Variants in PLA2G4A observed in about 807,000 individuals in gnomAD.
PLA2G4A encodes phospholipase A2 group IVA, also known as cytosolic phospholipase A2.
A neutral mutation model predicts 81.9 loss-of-function variants in PLA2G4A; 40 were observed. The observed-to-expected ratio is 0.49, with a 90% CI of 0.38 to 0.64. The LOEUF is 0.64. Among genes scored for constraint, PLA2G4A ranks in the 30% least tolerant of loss-of-function variants. The probability of loss-of-function intolerance (pLI) is 0.00; values close to 1 mark genes in which losing one functional copy is unlikely to be tolerated. For synonymous variants in PLA2G4A, 302 were observed against 296.9 expected (o/e 1.02, Z -0.18); for missense variants, 715 against 905.1 (o/e 0.79, Z 2.69).
chr1:186,865,105 T>TAA (rs1291209770), intron 2 of PLA2G4A, among the ~76,000 whole-genome samples: 102 of 148,304 alleles, frequency 6.9e-4, no homozygotes, highest in Admixed American at 1.1e-3. Context: ...TATATATATA[T>TAA]AAAATATAAT....
chr1:186,870,344 T>A, intron 2 of PLA2G4A, 91 bp from the exon 3 acceptor site: 1 of 791,708 alleles, frequency 1.3e-6, no homozygotes, highest in Non-Finnish European at 2.2e-6. Flanking sequence ...TGCTACTTGT[T>A]TTTAAGTAGA....
chr1:186,869,223 G>A (rs1407416039), intron 2 of PLA2G4A, among the ~76,000 whole-genome samples: 1 of 151,950 alleles, frequency 6.6e-6, no homozygotes, highest in Non-Finnish European at 1.5e-5. Context: ...TTGACAAGGT[G>A]TACTGTCAAT....
intron 14 of PLA2G4A, among the ~76,000 whole-genome samples, chr1:186,958,525 A>G (rs1656835122): frequency 6.6e-6 from 1 of 152,216 alleles, no homozygotes; most frequent in African/African-American, 2.4e-5. Context: ...TTTACTCTAT[A>G]GAAAGCGAAG....
At chr1:186,900,689 G>A (rs946105349) in intron 5 of PLA2G4A, among the ~76,000 whole-genome samples, 3 of 152,118 alleles carry the variant, frequency 2.0e-5, no homozygotes, top group Non-Finnish European at 2.9e-5. Context: ...AAAGTAGCCC[G>A]CTTCAAAAGA....
intron 7 of PLA2G4A, among the ~76,000 whole-genome samples, chr1:186,918,583 T>C (rs1231955260): frequency 3.3e-5 from 5 of 152,124 alleles, no homozygotes; most frequent in Non-Finnish European, 5.9e-5. Flanking sequence ...TCCTTGTGAG[T>C]TGATGAAGCT....
chr1:186,974,839 C>CCATGCTATAATCCATGCTATAAT (rs1657477159), intron 15 of PLA2G4A, among the ~76,000 whole-genome samples: 1 of 152,142 alleles, frequency 6.6e-6, no homozygotes, highest in Admixed American at 6.5e-5. Flanking sequence ...AATGGTTTAT[C>CCATGCTATAATCCATGCTATAAT]CATGCTATAA....
Position 186,861,312 on chromosome 1 carries a change from G to C in PLA2G4A, c.33+6925G>C, listed in dbSNP as rs115715334. 1.9e-3 allele frequency among the ~76,000 whole-genome samples: 292 copies of C among 152,262 alleles called. 2 individuals carry two copies. The highest frequency in any genetic ancestry group is 6.8e-3 in the African/African-American group (284 of 41,542). On this transcript the variant is annotated intron_variant, in intron 2 of 17. Coordinates refer to ENST00000367466, the MANE Select transcript of PLA2G4A (RefSeq NM_024420.3). ...GCGACCTTATCCTTAGAACGCCGAG[G>C]AATCTCTCAAGGCTGTGCAGTCTCT... is the stretch of plus-strand genomic sequence containing the variant.
intron 7 of PLA2G4A, among the ~76,000 whole-genome samples, chr1:186,931,420 G>T (rs1462749421): frequency 1.3e-5 from 2 of 151,938 alleles, no homozygotes; most frequent in Non-Finnish European, 2.9e-5. Flanking sequence ...TCTGGGTTAG[G>T]AATTTAGTCC....
At chr1:186,909,644 GA>G (rs1335739918) in intron 6 of PLA2G4A, among the ~76,000 whole-genome samples, 2 of 120,106 alleles carry the variant, frequency 1.7e-5, no homozygotes, top group East Asian at 4.9e-4. Context: ...TGGGCAACAG[GA>G]GCGAAACTCC....
intron 17 of PLA2G4A, among the ~76,000 whole-genome samples, chr1:186,982,955 G>T (rs1657773670): frequency 6.6e-6 from 1 of 151,858 alleles, no homozygotes; most frequent in Non-Finnish European, 1.5e-5. Flanking sequence ...GTGGTGGCAG[G>T]TGCCTGTAGT....
intron 15 of PLA2G4A, among the ~76,000 whole-genome samples, chr1:186,973,169 G>T (rs1024664082): frequency 4.6e-5 from 7 of 152,304 alleles, no homozygotes; most frequent in Non-Finnish European, 1.0e-4. Context: ...TTCTCTCACA[G>T]TTTCGGAGGG....
intron 7 of PLA2G4A, among the ~76,000 whole-genome samples, chr1:186,922,040 A>G (rs1655371668): frequency 6.6e-6 from 1 of 152,120 alleles, no homozygotes; most frequent in Non-Finnish European, 1.5e-5. Context: ...CTGTTGTTAT[A>G]GTGACTCCAT....
intron 12 of PLA2G4A, 52 bp downstream of exon 12, chr1:186,947,013 T>A (rs1656370816): frequency 2.1e-6 from 2 of 938,922 alleles, no homozygotes; most frequent in Non-Finnish European, 1.8e-6. Context: ...ATTGATAAAG[T>A]TTATTGACAT....
At chr1:186,944,378 C>T (rs766671575) in intron 10 of PLA2G4A, among the ~76,000 whole-genome samples, 12 of 152,018 alleles carry the variant, frequency 7.9e-5, no homozygotes, top group South Asian at 2.1e-4. Context: ...CAGGCCATGG[C>T]GCTAATCAAG....
At chr1:186,915,431 C>T (rs1655103283) in intron 7 of PLA2G4A, among the ~76,000 whole-genome samples, 1 of 152,132 alleles carries the variant, frequency 6.6e-6, no homozygotes, top group Admixed American at 6.5e-5. Context: ...TCCCCACGAG[C>T]CAACTTGTGC....
At chr1:186,872,184 C>A (rs1653297996) in intron 3 of PLA2G4A, among the ~76,000 whole-genome samples, 1 of 152,126 alleles carries the variant, frequency 6.6e-6, no homozygotes. Context: ...CCCATCTAAT[C>A]ATCCCTTTAT....
intron 1 of PLA2G4A, among the ~76,000 whole-genome samples, chr1:186,846,304 T>C (rs1435128919): frequency 6.6e-6 from 1 of 152,222 alleles, no homozygotes; most frequent in Admixed American, 6.5e-5. Context: ...CTAGTGATTT[T>C]TATCCTGAAG....
chr1:186,914,465 C>T (rs12751616), intron 7 of PLA2G4A, among the ~76,000 whole-genome samples: 16,264 of 150,134 alleles, frequency 0.11, 987 homozygotes, highest in Middle Eastern at 0.2. Context: ...AGACTCCTGT[C>T]TCAAGAGCCG....
chr1:186,901,171 G>A (rs886539581), intron 5 of PLA2G4A, among the ~76,000 whole-genome samples: 1 of 152,174 alleles, frequency 6.6e-6, no homozygotes, highest in Non-Finnish European at 1.5e-5. Flanking sequence ...AAATTTGAGA[G>A]ACCTTTCGCT....
Sources: gnomAD v4.1 joint callset for allele counts (sites outside exome capture counted in the v4.1 genomes callset) on GRCh38, gnomAD v4.1.1 for gene constraint, MANE v1.5 for transcripts, NCBI Gene and HGNC (gene_info 2026-07-23, HGNC 2026-07-21) for gene names.